The following SLC9C1 variants were observed in gnomAD, a reference collection of about 807,000 sequenced individuals.
The protein encoded by SLC9C1 is sodium/hydrogen exchanger 10.
SLC9C1 carries 97 observed loss-of-function variants against 140.9 expected under a neutral mutation model. The ratio of observed to expected loss-of-function variants is 0.69; its 90% CI spans 0.58 to 0.82. The LOEUF (loss-of-function observed/expected upper bound fraction) is 0.82. SLC9C1 is among the 40% of genes least tolerant of loss of function. The pLI, the probability that SLC9C1 is intolerant of heterozygous loss-of-function variation, is 0.00. For missense variants in SLC9C1, 1,340 were observed against 1,389.3 expected (o/e 0.96, Z 0.56); for synonymous variants, 440 against 442.6 (o/e 0.99, Z 0.07).
intron 20 of SLC9C1, among the ~76,000 whole-genome samples, chr3:112,191,239 T>C (rs1460196192): frequency 6.6e-6 from 1 of 152,156 alleles, no homozygotes; most frequent in Non-Finnish European, 1.5e-5. Flanking sequence ...TCCAGTACTA[T>C]GTTGAAAATA....
chr3:112,143,310 T>C (rs2074686428), intron 28 of SLC9C1, among the ~76,000 whole-genome samples: 1 of 152,178 alleles, frequency 6.6e-6, no homozygotes, highest in Admixed American at 6.5e-5. Flanking sequence ...CTTTGAGAAA[T>C]CTCCAAACTA....
chr3:112,239,416 G>T (rs2079080686), intron 12 of SLC9C1, among the ~76,000 whole-genome samples: 1 of 152,248 alleles, frequency 6.6e-6, no homozygotes, highest in African/African-American at 2.4e-5. Context: ...GTGAGGCGAT[G>T]CCTCGCCCTG....
chr3:112,149,576 GA>G (rs2074900510), intron 28 of SLC9C1, among the ~76,000 whole-genome samples: 1 of 152,144 alleles, frequency 6.6e-6, no homozygotes, highest in Non-Finnish European at 1.5e-5. Context: ...TTGGAGCAGA[GA>G]GAGCCCTGCT....
intron 13 of SLC9C1, 123 bp downstream of exon 13, chr3:112,231,237 CA>C (rs2078817964): frequency 1.8e-6 from 2 of 1,139,642 alleles, no homozygotes; most frequent in Non-Finnish European, 2.4e-6. Context: ...AAGACAATGT[CA>C]AACTTCCCTT....
At chr3:112,172,288 G>A (rs149294729) in intron 23 of SLC9C1, among the ~76,000 whole-genome samples, 19 of 151,970 alleles carry the variant, frequency 1.3e-4, no homozygotes, top group African/African-American at 3.9e-4. Flanking sequence ...GTTATTCCAC[G>A]TATTTCATTA....
intron 26 of SLC9C1, among the ~76,000 whole-genome samples, chr3:112,163,759 G>T (rs1465828875): frequency 2.6e-5 from 4 of 152,178 alleles, no homozygotes; most frequent in African/African-American, 9.7e-5. Flanking sequence ...TTGATTTGGG[G>T]TGGAGAGTTC....
intron 13 of SLC9C1, among the ~76,000 whole-genome samples, chr3:112,223,179 T>A (rs999231925): frequency 6.6e-6 from 1 of 152,034 alleles, no homozygotes; most frequent in African/African-American, 2.4e-5. Context: ...AGTGTGAAAG[T>A]GAAAACAGGG....
In SLC9C1 at chr3:112,199,466, T is replaced by C; in HGVS notation, c.2378A>G (p.Tyr793Cys). Reference protein sequence around the residue: ...NMEHAIKELGYLEYDHPEIAV... With the variant: ...NMEHAIKELGCLEYDHPEIAV... ...AATTTCTGGGTGATCATACTCTAAG[T>C]AGCCTAAAAAATAACAAAATATTTT... The change falls in exon 20 of 29, where the codon TAC (tyrosine) becomes TGC (cysteine). Residue 793 changes from tyrosine to cysteine, a missense_variant. Tyr to Cys is a radical substitution (Grantham distance 194). Transcript: ENST00000305815. 1 of 1,561,608 alleles carries C rather than the reference T, an allele frequency of 6.4e-7. No individual in the cohort carries two copies. The highest frequency in any genetic ancestry group is 8.6e-7 in the Non-Finnish European group (1 of 1,161,754).
intron 20 of SLC9C1, among the ~76,000 whole-genome samples, chr3:112,195,673 G>A (rs2077754348): frequency 1.3e-5 from 2 of 151,944 alleles, no homozygotes. Flanking sequence ...AACTCCCAGA[G>A]CTATAACACT....
chr3:112,232,903 T>C (rs1410804908), intron 12 of SLC9C1, among the ~76,000 whole-genome samples: 1 of 151,750 alleles, frequency 6.6e-6, no homozygotes, highest in Non-Finnish European at 1.5e-5. Context: ...ATTGAAAATA[T>C]TTTTAACCAT....
chr3:112,238,102 C>T (rs370409259), intron 12 of SLC9C1, among the ~76,000 whole-genome samples: 5 of 152,162 alleles, frequency 3.3e-5, no homozygotes, highest in Non-Finnish European at 4.4e-5. Flanking sequence ...ACCAATCAGA[C>T]GTAGATTTGG....
chr3:112,170,640 T>G (rs1329766234), intron 23 of SLC9C1, among the ~76,000 whole-genome samples: 1 of 152,202 alleles, frequency 6.6e-6, no homozygotes. Context: ...AATATGTTAT[T>G]TGAGGGGAGC....
chr3:112,163,424 C>T (rs1336156316), intron 26 of SLC9C1, among the ~76,000 whole-genome samples: 1 of 149,160 alleles, frequency 6.7e-6, no homozygotes, highest in African/African-American at 2.4e-5. Flanking sequence ...TATAAATTTC[C>T]CTCTACACAC....
chr3:112,233,696 G>T (rs1281238938), intron 12 of SLC9C1, among the ~76,000 whole-genome samples: 1 of 143,346 alleles, frequency 7.0e-6, no homozygotes, highest in Admixed American at 7.9e-5. Context: ...TGTTCTCATT[G>T]TTCAATTCCC....
chr3:112,208,415 A>G (rs763589502), intron 15 of SLC9C1, 42 bp from the exon 16 acceptor site: 4 of 1,330,054 alleles, frequency 3.0e-6, no homozygotes, highest in African/African-American at 1.5e-5. Context: ...AAAGGTTTAC[A>G]TTAAATGATT....
chr3:112,256,198 A>G (rs4260401), intron 10 of SLC9C1, among the ~76,000 whole-genome samples: 45,042 of 152,036 alleles, frequency 0.3, 7,229 homozygotes, highest in East Asian at 0.43. Context: ...AAAAATGGAG[A>G]AGGAAAAACT....
chr3:112,158,978 A>C (rs1576226696), intron 26 of SLC9C1, among the ~76,000 whole-genome samples: 3 of 151,800 alleles, frequency 2.0e-5, no homozygotes, highest in South Asian at 4.2e-4. Context: ...AACTTTTAAA[A>C]TCATTATTAT....
Position 112,167,337 on chromosome 3 carries a change from A to AGTTCTG in SLC9C1, c.3247_3248insCAGAAC (p.Ile1083delinsThrGluLeu), listed in dbSNP as rs2077158709. The stretch of plus-strand genomic sequence containing the variant: ...AATCACTACTTTTGTGAAATCTTCA[A>AGTTCTG]TACTTTGTATCTGAAAGTTGACAGA... On this transcript the variant is annotated protein_altering_variant, in exon 26 of 29. Transcript: ENST00000305815. 4 of 1,593,014 alleles carry AGTTCTG rather than the reference A, an allele frequency of 2.5e-6. No homozygotes were observed. The highest frequency in any genetic ancestry group is 1.4e-5 in the African/African-American group (1 of 74,052).
At chr3:112,227,795 A>G (rs9871532) in intron 13 of SLC9C1, among the ~76,000 whole-genome samples, 114,808 of 152,012 alleles carry the variant, frequency 0.76, 43,769 homozygotes, top group East Asian at 0.99. Flanking sequence ...GTGAAAAGAA[A>G]TCAAAGCATA....
Sources: allele counts gnomAD v4.1 joint callset (sites outside exome capture counted in the v4.1 genomes callset), GRCh38; gene constraint gnomAD v4.1.1; transcripts MANE v1.5; gene names NCBI Gene and HGNC (gene_info 2026-07-23, HGNC 2026-07-21).